The following IGSF11 variants were observed in gnomAD, a reference collection of about 807,000 sequenced individuals.
IGSF11 encodes CXADR like 1.
In IGSF11, 22 loss-of-function variants were observed where a neutral mutation model predicts 41.0. The ratio of observed to expected loss-of-function variants is 0.54; its 90% CI spans 0.38 to 0.77. The LOEUF (loss-of-function observed/expected upper bound fraction) is 0.77, where lower values mean the gene tolerates loss of function less well. Among genes scored for constraint, IGSF11 ranks in the 30% least tolerant of loss-of-function variants. The pLI is 0.00. For synonymous variants in IGSF11, 219 were observed against 201.3 expected (o/e 1.09, Z -0.74); for missense variants, 444 against 530.8 (o/e 0.84, Z 1.61).
intron 1 of IGSF11, among the ~76,000 whole-genome samples, chr3:119,113,204 C>A (rs749747617): frequency 2.6e-5 from 4 of 152,124 alleles, no homozygotes; most frequent in Non-Finnish European, 5.9e-5. Context: ...TGGCCCCTCC[C>A]AAATCTCATT....
chr3:118,953,009 T>C (rs1382559459), intron 1 of IGSF11, among the ~76,000 whole-genome samples: 2 of 152,098 alleles, frequency 1.3e-5, no homozygotes, highest in Admixed American at 6.5e-5. Context: ...ACCTGAGCAG[T>C]ATACACTGTA....
At chr3:119,114,990 G>A (rs1004873328) in intron 1 of IGSF11, among the ~76,000 whole-genome samples, 4 of 152,164 alleles carry the variant, frequency 2.6e-5, no homozygotes, top group African/African-American at 9.7e-5. Context: ...AGAGTAAAGG[G>A]GGAGGTGCTA....
At chr3:118,967,222 G>GAT (rs983509857) in intron 1 of IGSF11, among the ~76,000 whole-genome samples, 7 of 151,804 alleles carry the variant, frequency 4.6e-5, no homozygotes, top group Admixed American at 1.3e-4. Flanking sequence ...TATGGAGAGA[G>GAT]ATATATATAT....
chr3:119,141,901 A>T (rs2077652199), intron 1 of IGSF11, among the ~76,000 whole-genome samples: 1 of 152,116 alleles, frequency 6.6e-6, no homozygotes, highest in South Asian at 2.1e-4. Context: ...TAAAAAGACT[A>T]AAATCATGGT....
At chr3:118,991,999 T>G (rs1935833333) in intron 1 of IGSF11, among the ~76,000 whole-genome samples, 1 of 152,364 alleles carries the variant, frequency 6.6e-6, no homozygotes, top group East Asian at 1.9e-4. Context: ...AGTGACTACG[T>G]CACAGCTGGC....
In IGSF11 at chr3:119,034,813, C is replaced by T; in HGVS notation, c.-231G>A. On this transcript the variant is annotated 5_prime_UTR_variant, in exon 1 of 7. Coordinates refer to ENST00000393775, the MANE Select transcript of IGSF11 (RefSeq NM_001015887.3). Reference sequence around the variant, plus strand: ...GCTGTGACCAGAGGCGTTCCGGGCTCGCCAGCCGTGCCACCCAGCCCTGCC... The same window carrying T: ...GCTGTGACCAGAGGCGTTCCGGGCTTGCCAGCCGTGCCACCCAGCCCTGCC... The T allele has an allele frequency of 8.0e-7, 1 of 1,255,426 alleles. No homozygotes were observed. Among genetic ancestry groups the T allele is most frequent in the Non-Finnish European group, 1.0e-6 (1 of 999,688 alleles). The allele number at this position is 1,255,426 out of a possible 1,614,324, so 77.8% of individuals were successfully genotyped here. A position where few individuals can be genotyped will look rare whatever the true frequency, so the allele number is the denominator to read the frequency against.
chr3:118,906,770 T>C (rs2107472428), intron 4 of IGSF11, among the ~76,000 whole-genome samples: 1 of 152,360 alleles, frequency 6.6e-6, no homozygotes, highest in African/African-American at 2.4e-5. Flanking sequence ...CTTTAAAAAG[T>C]TAATAGTTAT....
intron 1 of IGSF11, among the ~76,000 whole-genome samples, chr3:119,023,295 T>C (rs1336158722): frequency 1.1e-5 from 1 of 93,414 alleles, no homozygotes. Flanking sequence ...AAAAAAAAAA[T>C]GTGGTGAGGA....
In IGSF11 at chr3:119,085,998, C is replaced by T. The variant is rs983593629; in HGVS notation, c.49+19146G>A. ...TACAGAGTTTTTGTGAGTTTCAATA[C>T]CCTCTACTTGGGACACACTATGTAA... On this transcript the variant is annotated intron_variant, in intron 1 of 6. Coordinates refer to the IGSF11 transcript ENST00000354673. Among the ~76,000 whole-genome samples, 3 of 152,220 alleles carry T rather than the reference C, an allele frequency of 2.0e-5. 1 individual carries two copies. Among genetic ancestry groups the T allele is most frequent in the Admixed American group, 1.3e-4 (2 of 15,282 alleles).
intron 1 of IGSF11, among the ~76,000 whole-genome samples, chr3:119,080,334 G>T (rs912594410): frequency 2.0e-5 from 3 of 151,904 alleles, no homozygotes; most frequent in African/African-American, 7.3e-5. Flanking sequence ...CATCATACTG[G>T]CTTTTAATAA....
intron 1 of IGSF11, among the ~76,000 whole-genome samples, chr3:118,957,865 CCTTT>C (rs1467120846): frequency 6.6e-6 from 1 of 152,176 alleles, no homozygotes; most frequent in African/African-American, 2.4e-5. Flanking sequence ...AACTAGCATT[CCTTT>C]CTTTGCCTCC....
chr3:118,962,015 T>A (rs576098895), intron 1 of IGSF11, among the ~76,000 whole-genome samples: 55 of 152,192 alleles, frequency 3.6e-4, no homozygotes, highest in African/African-American at 1.3e-3. Flanking sequence ...AGATAGGTAA[T>A]TATATGGCCT....
At chr3:118,992,292 G>A (rs1383861613) in intron 1 of IGSF11, among the ~76,000 whole-genome samples, 2 of 152,134 alleles carry the variant, frequency 1.3e-5, no homozygotes, top group East Asian at 3.9e-4. Context: ...TGGATGTTAT[G>A]AGTCTCCCAG....
At chr3:119,069,819 A>G (rs1360846435) in intron 1 of IGSF11, among the ~76,000 whole-genome samples, 1 of 152,168 alleles carries the variant, frequency 6.6e-6, no homozygotes, top group Non-Finnish European at 1.5e-5. Context: ...ATTCTGTTTC[A>G]GGAGAAAATT....
upstream of IGSF11, among the ~76,000 whole-genome samples, chr3:119,037,176 C>G (rs1940947863): frequency 6.6e-6 from 1 of 152,176 alleles, no homozygotes; most frequent in Non-Finnish European, 1.5e-5. Context: ...TCCTAATCTG[C>G]TTTACGACCA....
intron 1 of IGSF11, among the ~76,000 whole-genome samples, chr3:119,124,266 C>CTTT (rs567233919): frequency 1.3e-4 from 10 of 79,478 alleles, no homozygotes; most frequent in African/African-American, 3.7e-4. Context: ...ACATCAGAGC[C>CTTT]TTTTTTTTTT....
intron 1 of IGSF11, among the ~76,000 whole-genome samples, chr3:119,059,456 G>C (rs546119137): frequency 2.3e-4 from 35 of 152,298 alleles, no homozygotes; most frequent in South Asian, 8.3e-4. Flanking sequence ...ATTGGGTTCA[G>C]TGTACACTGC....
At chr3:119,064,327 G>T (rs533933691) in intron 1 of IGSF11, among the ~76,000 whole-genome samples, 4 of 152,196 alleles carry the variant, frequency 2.6e-5, no homozygotes, top group African/African-American at 7.2e-5. Context: ...CTGCAGCATA[G>T]CCTTTGTCAT....
intron 1 of IGSF11, among the ~76,000 whole-genome samples, chr3:119,091,930 A>G (rs527931019): frequency 1.3e-5 from 2 of 149,122 alleles, no homozygotes; most frequent in Non-Finnish European, 3.0e-5. Flanking sequence ...AATAATATAA[A>G]CAAAGAAAAT....
Sources: allele counts gnomAD v4.1 joint callset (sites outside exome capture counted in the v4.1 genomes callset), GRCh38; gene constraint gnomAD v4.1.1; transcripts MANE v1.5; gene names NCBI Gene and HGNC (gene_info 2026-07-23, HGNC 2026-07-21).